SEMA6D: variants seen among roughly 807,000 people sequenced by gnomAD.
The protein encoded by SEMA6D is semaphorin 6D, also known as semaphorin-6D.
SEMA6D carries 35 observed loss-of-function variants against 106.6 expected under a neutral mutation model. The ratio of observed to expected loss-of-function variants is 0.33; its 90% CI spans 0.25 to 0.44. SEMA6D has a LOEUF of 0.44. Among genes scored for constraint, SEMA6D ranks in the 20% least tolerant of loss-of-function variants. SEMA6D has a pLI of 1.00. For synonymous variants in SEMA6D, 499 were observed against 487.7 expected, an observed-to-expected ratio of 1.02 and a Z score of -0.31; for missense variants, 1,185 against 1,345.9, an observed-to-expected ratio of 0.88 and a Z score of 1.87.
chr15:47,555,345 G>A (rs895212073), intron 3 of SEMA6D, among the ~76,000 whole-genome samples: 1 of 152,012 alleles, frequency 6.6e-6, no homozygotes, highest in Admixed American at 6.6e-5. Context: ...CAGTTCCCAG[G>A]CCCTAAAGAG....
chr15:47,328,292 C>G (rs906366714), intron 1 of SEMA6D, among the ~76,000 whole-genome samples: 1 of 152,164 alleles, frequency 6.6e-6, no homozygotes, highest in Non-Finnish European at 1.5e-5. Context: ...GACGTGAATT[C>G]TAAACTCTTT....
chr15:47,185,316 A>G (rs1893486931), intron 1 of SEMA6D, among the ~76,000 whole-genome samples: 1 of 151,990 alleles, frequency 6.6e-6, no homozygotes. Flanking sequence ...CTTAGATCTG[A>G]CTCTAATTCA....
chr15:47,441,732 C>A (rs2053318364), intron 2 of SEMA6D, among the ~76,000 whole-genome samples: 1 of 151,768 alleles, frequency 6.6e-6, no homozygotes. Flanking sequence ...TGTTTCCAAC[C>A]ATAATATTGT....
At chr15:47,223,393 C>A (rs1467855524) in intron 1 of SEMA6D, among the ~76,000 whole-genome samples, 1 of 152,032 alleles carries the variant, frequency 6.6e-6, no homozygotes, top group African/African-American at 2.4e-5. Flanking sequence ...TTTGTAGTGT[C>A]TTGTTTTTCC....
intron 1 of SEMA6D, among the ~76,000 whole-genome samples, chr15:47,739,354 G>C (rs1285365267): frequency 6.6e-6 from 1 of 152,156 alleles, no homozygotes; most frequent in Non-Finnish European, 1.5e-5. Context: ...CGTTAACCTA[G>C]TCTACCTTTT....
chr15:47,487,054 A>G (rs1229657265), intron 3 of SEMA6D, among the ~76,000 whole-genome samples: 1 of 152,248 alleles, frequency 6.6e-6, no homozygotes, highest in Non-Finnish European at 1.5e-5. Flanking sequence ...ATAAACAAAT[A>G]TGCAAATGAA....
Position 47,770,723 on chromosome 15 carries a change from C to G in SEMA6D, c.2160C>G (p.Leu720=). Residue 720 remains leucine, a synonymous_variant, in exon 19 of 19, where the codon CTC becomes CTG. Coordinates refer to ENST00000536845, the MANE Select transcript of SEMA6D (RefSeq NM_001358351.3). ...SSGSFAKLNG[L]FDSPVKEYQQ... is the part of the protein sequence containing the mutation. ...GAAGTTTTGCCAAACTGAATGGTCT[C>G]TTTGACAGCCCTGTCAAGGAATACC... is the stretch of plus-strand genomic sequence containing the variant. The G allele has an allele frequency of 6.2e-7, 1 of 1,614,132 alleles. No individual in the cohort carries two copies. The highest frequency in any genetic ancestry group is 8.5e-7 in the Non-Finnish European group (1 of 1,179,998).
chr15:47,766,037 G>A, intron 14 of SEMA6D, 28 bp downstream of exon 14: 1 of 1,609,346 alleles, frequency 6.2e-7, no homozygotes, highest in Non-Finnish European at 8.5e-7. Context: ...TACTTACCCT[G>A]GGTCTTGCAG....
In SEMA6D at chr15:47,342,997, G is replaced by A. The variant is rs1037780576; in HGVS notation, c.-238-69396G>A. 3.9e-5 allele frequency among the ~76,000 whole-genome samples: 6 copies of A among 152,256 alleles called. No individual in the cohort carries two copies. In the South Asian group the frequency reaches 1.0e-3, roughly 26 times the overall value. ...CAAAGTGCTGGGATTACAGGCATGA[G>A]CCACTGCGCCCAGCCCTCAAATTAC... On this transcript the variant is annotated intron_variant, in intron 1 of 19. Transcript: ENST00000558014.
chr15:47,338,431 C>T (rs1320428472), intron 1 of SEMA6D, among the ~76,000 whole-genome samples: 1 of 152,080 alleles, frequency 6.6e-6, no homozygotes, highest in Admixed American at 6.6e-5. Flanking sequence ...CTCCATTCTC[C>T]AGGATGTGCT....
At chr15:47,762,342 TGG>T (rs759828368) in intron 8 of SEMA6D, 23 bp downstream of exon 8, 3 of 1,611,118 alleles carry the variant, frequency 1.9e-6, no homozygotes, top group Non-Finnish European at 2.5e-6. Context: ...AGCAGTGTCG[TGG>T]GGTCACCAGG....
intron 1 of SEMA6D, among the ~76,000 whole-genome samples, chr15:47,387,137 C>T (rs1383758395): frequency 6.6e-6 from 1 of 152,178 alleles, no homozygotes; most frequent in Non-Finnish European, 1.5e-5. Flanking sequence ...CCTTCTAGGA[C>T]ACCAAAAATC....
chr15:47,599,879 T>G (rs2076612547), intron 3 of SEMA6D, among the ~76,000 whole-genome samples: 1 of 152,100 alleles, frequency 6.6e-6, no homozygotes, highest in African/African-American at 2.4e-5. Flanking sequence ...ATCTGCTAGT[T>G]GTTTGCTAAA....
intron 3 of SEMA6D, among the ~76,000 whole-genome samples, chr15:47,568,822 G>A (rs957400653): frequency 6.6e-6 from 1 of 152,076 alleles, no homozygotes; most frequent in African/African-American, 2.4e-5. Context: ...CAGATACTAA[G>A]TGAGCTAACA....
chr15:47,216,202 TC>T (rs2030580511), intron 1 of SEMA6D, among the ~76,000 whole-genome samples: 1 of 152,214 alleles, frequency 6.6e-6, no homozygotes, highest in African/African-American at 2.4e-5. Flanking sequence ...AAAACATTTT[TC>T]ATGAGCATGT....
chr15:47,534,344 C>T (rs897892346), intron 3 of SEMA6D, among the ~76,000 whole-genome samples: 1 of 151,930 alleles, frequency 6.6e-6, no homozygotes, highest in Non-Finnish European at 1.5e-5. Context: ...GCGTGCCCAG[C>T]TAATTTTTTT....
At chr15:47,554,688 A>T (rs2045865010) in intron 3 of SEMA6D, among the ~76,000 whole-genome samples, 1 of 152,202 alleles carries the variant, frequency 6.6e-6, no homozygotes, top group Non-Finnish European at 1.5e-5. Flanking sequence ...ATGATGTTAC[A>T]TGGAGGGCAC....
chr15:47,735,704 G>T (rs972304353), intron 1 of SEMA6D, among the ~76,000 whole-genome samples: 1 of 152,150 alleles, frequency 6.6e-6, no homozygotes, highest in Middle Eastern at 3.4e-3. Flanking sequence ...CTAATCACCC[G>T]CCTAAACGTT....
intron 2 of SEMA6D, among the ~76,000 whole-genome samples, chr15:47,419,506 A>G (rs73405075): frequency 0.012 from 1,873 of 152,252 alleles, 38 homozygotes; most frequent in African/African-American, 0.043. Context: ...AGGGGAGTAT[A>G]GCCTGATGCC....
Sources: allele counts gnomAD v4.1 joint callset (sites outside exome capture counted in the v4.1 genomes callset), GRCh38; gene constraint gnomAD v4.1.1; transcripts MANE v1.5; gene names NCBI Gene and HGNC (gene_info 2026-07-23, HGNC 2026-07-21).